ARIH2: variants seen among roughly 807,000 people sequenced by gnomAD.
ARIH2 encodes the protein ariadne RBR E3 ubiquitin protein ligase 2.
In ARIH2, 12 loss-of-function variants were observed where a neutral mutation model predicts 79.8. That is an observed-to-expected ratio of 0.15 (90% CI 0.10 to 0.24). The LOEUF (loss-of-function observed/expected upper bound fraction) is 0.24. ARIH2 is among the 10% of genes least tolerant of loss of function. ARIH2 has a pLI of 1.00. For missense variants in ARIH2, 301 were observed against 618.3 expected (o/e 0.49, Z 5.44); for synonymous variants, 224 against 213.9 (o/e 1.05, Z -0.41).
intron 3 of ARIH2, among the ~76,000 whole-genome samples, chr3:48,959,965 A>C (rs2091078913): frequency 1.3e-5 from 2 of 152,198 alleles, no homozygotes; most frequent in South Asian, 4.1e-4. Flanking sequence ...CCTCTGCTGC[A>C]GTTCTTATCT....
chr3:48,937,033 A>G (rs1466716576), intron 3 of ARIH2, among the ~76,000 whole-genome samples: 1 of 152,232 alleles, frequency 6.6e-6, no homozygotes, highest in African/African-American at 2.4e-5. Flanking sequence ...GTCTCAAAAA[A>G]AAAAACATGA....
chr3:48,982,813 G>A, intron 14 of ARIH2, 83 bp from the exon 15 acceptor site: 3 of 935,914 alleles, frequency 3.2e-6, no homozygotes, highest in Non-Finnish European at 5.3e-6. Context: ...AGCCTGAGGT[G>A]CTGCATGTGC....
chr3:48,941,699 TCTC>T (rs1190364828), intron 3 of ARIH2, among the ~76,000 whole-genome samples: 13 of 151,104 alleles, frequency 8.6e-5, no homozygotes, highest in Non-Finnish European at 1.9e-4. Flanking sequence ...TTCACGCCAT[TCTC>T]CTGCCTCAGC....
intron 3 of ARIH2, among the ~76,000 whole-genome samples, chr3:48,936,665 G>A (rs1232957594): frequency 1.3e-5 from 2 of 152,042 alleles, no homozygotes; most frequent in Non-Finnish European, 2.9e-5. Flanking sequence ...CCTGGGAAGC[G>A]GAGGTTGCAG....
chr3:48,961,774 C>T (rs2091290615), intron 4 of ARIH2, 95 bp downstream of exon 4: 11 of 786,622 alleles, frequency 1.4e-5, no homozygotes, highest in Non-Finnish European at 2.4e-5. Flanking sequence ...GACTATATTC[C>T]AATGTGCATA....
intron 3 of ARIH2, chr3:48,934,516 G>A (rs975098703): frequency 2.0e-6 from 2 of 985,218 alleles, no homozygotes; most frequent in African/African-American, 3.5e-5. Context: ...GTGCTGAGCA[G>A]CCCTCTGATT....
intron 3 of ARIH2, among the ~76,000 whole-genome samples, chr3:48,940,615 C>T (rs986541393): frequency 2.0e-5 from 3 of 151,402 alleles, no homozygotes; most frequent in African/African-American, 4.9e-5. Flanking sequence ...GGTGAAACCC[C>T]ATCTCTACAT....
chr3:48,930,364 T>TTG (rs1012699579), intron 3 of ARIH2, among the ~76,000 whole-genome samples: 2 of 152,182 alleles, frequency 1.3e-5, no homozygotes, highest in Non-Finnish European at 2.9e-5. Flanking sequence ...GTTCCTGTAG[T>TTG]CCCAGCTACT....
intron 12 of ARIH2, 29 bp downstream of exon 12, chr3:48,979,662 A>G (rs1342139742): frequency 6.2e-7 from 1 of 1,611,368 alleles, no homozygotes; most frequent in Non-Finnish European, 8.5e-7. Context: ...ACCTTCCCCT[A>G]CAGGGTAGGC....
intron 3 of ARIH2, among the ~76,000 whole-genome samples, chr3:48,961,082 G>C (rs1424031011): frequency 6.6e-6 from 1 of 152,174 alleles, no homozygotes; most frequent in African/African-American, 2.4e-5. Flanking sequence ...AACTGTCCTT[G>C]CAACTAGGAC....
intron 4 of ARIH2, among the ~76,000 whole-genome samples, chr3:48,963,225 C>A (rs766836443): frequency 6.6e-6 from 1 of 152,164 alleles, no homozygotes; most frequent in African/African-American, 2.4e-5. Context: ...GATGGAATTG[C>A]AGATGAACTG....
chr3:48,919,319 C>T (rs1296449065), intron 1 of ARIH2: 1 of 825,004 alleles, frequency 1.2e-6, no homozygotes, highest in Non-Finnish European at 1.7e-6. Flanking sequence ...CCTCGGGGCT[C>T]ACCACTCGAG....
chr3:48,962,542 C>T (rs1005770273), intron 4 of ARIH2, among the ~76,000 whole-genome samples: 1 of 152,198 alleles, frequency 6.6e-6, no homozygotes, highest in African/African-American at 2.4e-5. Flanking sequence ...GCACCTCCTC[C>T]TCTGCATCCT....
At chr3:48,944,972 T>G (rs1285438571) in intron 3 of ARIH2, 1 of 470,550 alleles carries the variant, frequency 2.1e-6, no homozygotes, top group Non-Finnish European at 3.7e-6. Flanking sequence ...TCTTCATTTC[T>G]GCTTTTTAGT....
rs535100963 is a variant in ARIH2 at position 48,919,943 on chromosome 3, C to G, written c.-162+945C>G. On this transcript the variant is annotated intron_variant, in intron 1 of 15. Coordinates refer to ENST00000356401, the MANE Select transcript of ARIH2 (RefSeq NM_006321.4). ...GCCCAGGATGGTTGGTTGTTAGGTCCCCTGAACATGTGACTTTGGCTCTGG... is the reference window on the plus strand; with the variant it reads ...GCCCAGGATGGTTGGTTGTTAGGTCGCCTGAACATGTGACTTTGGCTCTGG... Among the ~76,000 whole-genome samples the G allele has an allele frequency of 3.9e-5, 6 of 151,986 alleles. 1 individual carries two copies. The South Asian group carries it at 1.2e-3, about 32-fold the overall frequency.
rs146439037 is a variant in ARIH2, at chr3:48,975,036, C to T, written c.961+57C>T. 147 of 1,614,022 alleles carry T rather than the reference C, an allele frequency of 9.1e-5. 1 individual carries two copies. Among genetic ancestry groups the T allele is most frequent in the African/African-American group, 8.0e-4 (60 of 75,042 alleles). ...TGGCACTTTCTTGTGGTTGGGTCTC[C>T]GTTACTATTTAAGTGAGTACTTCTG... On this transcript the variant is annotated intron_variant, in intron 11 of 15. Coordinates refer to ENST00000356401, the MANE Select transcript of ARIH2 (RefSeq NM_006321.4).
At chr3:48,929,303 C>G (rs1015274983) in intron 3 of ARIH2, among the ~76,000 whole-genome samples, 1 of 151,962 alleles carries the variant, frequency 6.6e-6, no homozygotes, top group Non-Finnish European at 1.5e-5. Context: ...GCTGAGGGGC[C>G]CAAGCACCTG....
chr3:48,976,142 C>T (rs971183969), intron 11 of ARIH2, among the ~76,000 whole-genome samples: 1 of 151,176 alleles, frequency 6.6e-6, no homozygotes, highest in African/African-American at 2.4e-5. Context: ...CAACTCTTGA[C>T]CTCAGGTGAT....
At chr3:48,978,478 TATATA>T (rs1465925141) in intron 11 of ARIH2, among the ~76,000 whole-genome samples, 1,594 of 71,794 alleles carry the variant, frequency 0.022, 30 homozygotes, top group East Asian at 0.19. Context: ...TATATATATA[TATATA>T]TTTTTTTTTT....
Sources: allele counts gnomAD v4.1 joint callset (sites outside exome capture counted in the v4.1 genomes callset), GRCh38; gene constraint gnomAD v4.1.1; transcripts MANE v1.5; gene names NCBI Gene and HGNC (gene_info 2026-07-23, HGNC 2026-07-21).